Variants in MTMR10 observed in about 807,000 individuals in gnomAD.
The protein encoded by MTMR10 is myotubularin-related protein 10.
MTMR10 carries 56 observed loss-of-function variants against 88.1 expected under a neutral mutation model. The observed-to-expected ratio is 0.64, with a 90% confidence interval of 0.51 to 0.79. The LOEUF (loss-of-function observed/expected upper bound fraction) is 0.79, where lower values mean the gene tolerates loss of function less well. MTMR10 is among the 30% of genes least tolerant of loss of function. The probability of loss-of-function intolerance (pLI) is 0.00; values close to 1 mark genes in which losing one functional copy is unlikely to be tolerated. For missense variants in MTMR10, 883 were observed against 924.7 expected, an observed-to-expected ratio of 0.95 and a Z score of 0.58; for synonymous variants, 380 against 340.9, an observed-to-expected ratio of 1.11 and a Z score of -1.26.
the MTMR10 span, among the ~76,000 whole-genome samples, chr15:30,932,621 T>G: frequency 6.6e-6 from 1 of 152,190 alleles, no homozygotes; most frequent in African/African-American, 2.4e-5. Context: ...TATTATCTGT[T>G]TCTTCTTGAT....
chr15:30,938,379 A>G (rs143125385), downstream of MTMR10, among the ~76,000 whole-genome samples: 101 of 152,266 alleles, frequency 6.6e-4, 1 homozygote, highest in Middle Eastern at 0.01. Context: ...ATTCTCATGA[A>G]GTTGTGTTGA....
chr15:30,945,772 C>G (rs1411293749), intron 14 of MTMR10, among the ~76,000 whole-genome samples: 1 of 152,204 alleles, frequency 6.6e-6, no homozygotes, highest in Non-Finnish European at 1.5e-5. Flanking sequence ...AGCACAGTAT[C>G]TGGAAAGGTC....
At chr15:30,974,033 A>C (rs2029915543) in intron 5 of MTMR10, among the ~76,000 whole-genome samples, 1 of 152,258 alleles carries the variant, frequency 6.6e-6, no homozygotes, top group Non-Finnish European at 1.5e-5. Flanking sequence ...CAAGAAACTG[A>C]CAAGTAATGA....
intron 2 of MTMR10, among the ~76,000 whole-genome samples, chr15:30,988,233 G>A (rs1048499841): frequency 6.6e-6 from 1 of 152,140 alleles, no homozygotes; most frequent in African/African-American, 2.4e-5. Flanking sequence ...CAGCCAGGAT[G>A]GGTGCAGGAA....
chr15:30,978,342 G>C (rs904869311), intron 2 of MTMR10, among the ~76,000 whole-genome samples: 1 of 152,192 alleles, frequency 6.6e-6, no homozygotes, highest in Non-Finnish European at 1.5e-5. Context: ...TTAGTGCCTA[G>C]AACAGTGTCT....
At chr15:30,966,696 A>G (rs1364420912) in intron 6 of MTMR10, among the ~76,000 whole-genome samples, 1 of 151,352 alleles carries the variant, frequency 6.6e-6, no homozygotes, top group African/African-American at 2.4e-5. Context: ...TAAACTTCAA[A>G]AAATAACTGT....
At position 30,941,097 on chromosome 15, in the gene MTMR10, C is replaced by A; in HGVS notation, c.*373G>T. The A allele has an allele frequency of 1.6e-6, 2 of 1,227,264 alleles. No individual in the cohort carries two copies. Among genetic ancestry groups the A allele is most frequent in the South Asian group, 2.8e-5 (2 of 70,246 alleles). 76.0% of individuals were successfully genotyped at this position (1,227,264 alleles called of 1,614,324 possible). ...TTATCAGATGCTCCTAAAAATGACA[C>A]GAAACACAAATTTCCTAACTTTCCT... On this transcript the variant is annotated 3_prime_UTR_variant, in exon 16 of 16. Transcript: ENST00000435680.
rs766542289 is a variant in MTMR10 at position 30,941,920 on chromosome 15, C to T, written c.1884G>A (p.Glu628=). The change falls in exon 16 of 16, where the codon GAG becomes GAA. Residue 628 remains glutamate (E), a synonymous_variant. Coordinates refer to ENST00000435680, the MANE Select transcript of MTMR10 (RefSeq NM_017762.3). ...QQTDSQNSDT[E]QYFREWFSKP... Reference sequence around the variant, plus strand: ...TGGAAAACCATTCTCTAAAATACTGCTCCGTATCACTGTTCTGGCTGTCGG... The same window carrying T: ...TGGAAAACCATTCTCTAAAATACTGTTCCGTATCACTGTTCTGGCTGTCGG... The T allele has an allele frequency of 6.2e-7, 1 of 1,614,038 alleles. No homozygotes were observed. The highest frequency in any genetic ancestry group is 1.1e-5 in the South Asian group (1 of 91,082).
chr15:30,957,797 G>C (rs1410075552), intron 9 of MTMR10, among the ~76,000 whole-genome samples: 2 of 152,200 alleles, frequency 1.3e-5, no homozygotes, highest in African/African-American at 4.8e-5. Flanking sequence ...GAAGAGCGCT[G>C]GACAATGTCA....
intron 2 of MTMR10, among the ~76,000 whole-genome samples, chr15:30,986,798 C>G (rs2030967703): frequency 1.3e-5 from 2 of 152,256 alleles, no homozygotes; most frequent in Middle Eastern, 6.8e-3. Flanking sequence ...TAGGGCTCAC[C>G]CCACGCCTTT....
intron 14 of MTMR10, among the ~76,000 whole-genome samples, chr15:30,945,085 T>C (rs998625036): frequency 6.6e-5 from 10 of 152,012 alleles, no homozygotes; most frequent in Non-Finnish European, 8.8e-5. Context: ...GACCAGATTT[T>C]CTATAAACAC....
rs1291125912 is a variant in MTMR10, at chr15:30,961,031, C to T, written c.608G>A (p.Gly203Glu). 6.4e-7 allele frequency: 1 copy of T among 1,561,806 alleles called. No homozygotes were observed. The highest frequency in any genetic ancestry group is 1.4e-5 in the African/African-American group (1 of 73,538). Residue 203 changes from glycine (G) to glutamate (E), a missense_variant, in exon 7 of 16, where the codon GGA becomes GAA. Gly to Glu is a moderately conservative substitution (Grantham distance 98, BLOSUM62 -2). Coordinates refer to ENST00000435680, the MANE Select transcript of MTMR10 (RefSeq NM_017762.3). ...ACCAGCTCCATTACCTCCTCCTCCT[C>T]CTCCTCCTCCATCTCCTGAGGGAAT... ...NGIPSGDGGG[G>E]GGGGNGAGGG...
chr15:30,972,578 C>A (rs2063550456), intron 5 of MTMR10, among the ~76,000 whole-genome samples: 2 of 152,124 alleles, frequency 1.3e-5, no homozygotes, highest in South Asian at 4.1e-4. Flanking sequence ...AGGGGATATT[C>A]TGAATTTCCA....
chr15:30,981,261 C>G (rs1003051480), intron 2 of MTMR10, among the ~76,000 whole-genome samples: 16 of 152,246 alleles, frequency 1.1e-4, no homozygotes, highest in Non-Finnish European at 2.2e-4. Flanking sequence ...TTCCCAATCC[C>G]TTGAATGTGG....
chr15:30,959,755 C>T (rs2063376179), intron 7 of MTMR10, among the ~76,000 whole-genome samples: 1 of 152,240 alleles, frequency 6.6e-6, no homozygotes, highest in Non-Finnish European at 1.5e-5. Context: ...CTTTCTAGAA[C>T]TGTACTAGAA....
intron 9 of MTMR10, 135 bp from the exon 10 acceptor site, chr15:30,955,028 T>C: frequency 2.8e-6 from 2 of 714,462 alleles, no homozygotes; most frequent in Non-Finnish European, 4.1e-6. Context: ...TTACTTTTTT[T>C]TTTTTAAGAC....
In MTMR10 at chr15:30,948,400, T is replaced by C. The variant is rs373119733; in HGVS notation, c.1279A>G (p.Thr427Ala). The change falls in exon 13 of 16, where the codon ACA becomes GCA. Residue 427 changes from threonine to alanine, a missense_variant. Transcript: ENST00000435680. ...ATCAGACTCTGAAATCCAGTAATTG[T>C]CCTAAAATAGGGATCCAGCATCACT... ...VQVMLDPYFRTITGFQSLIQK... is the reference protein window; with the variant it reads ...VQVMLDPYFRAITGFQSLIQK... The C allele has an allele frequency of 1.3e-5, 21 of 1,613,354 alleles. No individual in the cohort carries two copies. Among genetic ancestry groups the C allele is most frequent in the Non-Finnish European group, 1.8e-5 (21 of 1,179,650 alleles).
chr15:30,948,162 A>G, intron 13 of MTMR10, 140 bp downstream of exon 13: 2 of 691,644 alleles, frequency 2.9e-6, no homozygotes, highest in Non-Finnish European at 4.4e-6. Flanking sequence ...TTGAACTCTA[A>G]TCCATTAGTT....
the MTMR10 span, among the ~76,000 whole-genome samples, chr15:30,924,382 G>C: frequency 6.6e-6 from 1 of 152,202 alleles, no homozygotes; most frequent in African/African-American, 2.4e-5. Context: ...TGGTGATTCT[G>C]TGTTGAGCTT....
Sources: gnomAD v4.1 joint callset for allele counts (sites outside exome capture counted in the v4.1 genomes callset) on GRCh38, gnomAD v4.1.1 for gene constraint, MANE v1.5 for transcripts, NCBI Gene and HGNC (gene_info 2026-07-23, HGNC 2026-07-21) for gene names.